Variants in USH2A observed in about 807,000 individuals in gnomAD.
USH2A encodes Usher syndrome 2A (autosomal recessive, mild).
Under a neutral mutation model 538.9 loss-of-function variants are expected in USH2A, and 443 were observed. The observed-to-expected ratio is 0.82, with a 90% CI of 0.76 to 0.89. The LOEUF (loss-of-function observed/expected upper bound fraction) is 0.89. Among genes scored for constraint, USH2A ranks in the 40% least tolerant of loss-of-function variants. USH2A has a pLI of 0.00. For missense variants in USH2A, 6,633 were observed against 6,324.8 expected (o/e 1.05, Z -1.65); for synonymous variants, 2,413 against 2,273.5 (o/e 1.06, Z -1.75).
intron 22 of USH2A, among the ~76,000 whole-genome samples, chr1:216,096,505 C>T (rs1047017613): frequency 1.3e-5 from 2 of 152,160 alleles, no homozygotes; most frequent in Non-Finnish European, 1.5e-5. Context: ...AAATTGACAA[C>T]TCAGAAAACA....
At chr1:216,265,635 GATAT>G (rs55801516) in intron 11 of USH2A, among the ~76,000 whole-genome samples, 20 of 149,280 alleles carry the variant, frequency 1.3e-4, no homozygotes, top group East Asian at 7.9e-4. Flanking sequence ...AAGAAAATTT[GATAT>G]ATATATATAT....
intron 37 of USH2A, among the ~76,000 whole-genome samples, chr1:215,959,663 C>T (rs1293009885): frequency 1.3e-5 from 2 of 151,942 alleles, no homozygotes; most frequent in African/African-American, 2.4e-5. Flanking sequence ...TCTTTTTTCC[C>T]CCACAGTAAT....
chr1:215,831,594 C>A (rs1232502621), intron 47 of USH2A, among the ~76,000 whole-genome samples: 3 of 151,878 alleles, frequency 2.0e-5, no homozygotes, highest in Non-Finnish European at 4.4e-5. Flanking sequence ...TTAAACAATA[C>A]CCTTGTAAAT....
chr1:216,298,779 G>A (rs2037155228), intron 9 of USH2A, among the ~76,000 whole-genome samples: 2 of 152,184 alleles, frequency 1.3e-5, no homozygotes, highest in East Asian at 1.9e-4. Flanking sequence ...ACTCCTTTTA[G>A]GAGGAGCAAC....
At chr1:215,636,580 G>A (rs998691495) in intron 69 of USH2A, among the ~76,000 whole-genome samples, 3 of 152,152 alleles carry the variant, frequency 2.0e-5, no homozygotes, top group Admixed American at 2.0e-4. Flanking sequence ...AAAACAACTT[G>A]TTGGCTGTAA....
chr1:216,130,612 C>CTA (rs578222726), intron 21 of USH2A, among the ~76,000 whole-genome samples: 39 of 143,458 alleles, frequency 2.7e-4, no homozygotes, highest in African/African-American at 8.4e-4. Context: ...TGTATATATA[C>CTA]TATATATATA....
chr1:216,089,048 G>C lies in USH2A; in HGVS notation c.4850C>G (p.Ala1617Gly). Residue 1617 changes from alanine (A) to glycine (G), a missense_variant, in exon 23 of 72, where the codon GCT becomes GGT. By Grantham distance (60) the Ala-to-Gly change is moderately conservative. Coordinates refer to ENST00000307340, the MANE Select transcript of USH2A (RefSeq NM_206933.4). The stretch of plus-strand genomic sequence containing the variant: ...CCCATCCAGAGTGATTTGGCCAAAA[G>C]CCTGATGCCTAATAGCAATTATTTC... ...WHEIIAIRHQ[A>G]FGQITLDGIY... The C allele has an allele frequency of 3.1e-6, 5 of 1,613,462 alleles. No homozygotes were observed. The highest frequency in any genetic ancestry group is 4.2e-6 in the Non-Finnish European group (5 of 1,179,594).
intron 11 of USH2A, among the ~76,000 whole-genome samples, chr1:216,285,715 G>A (rs2102601307): frequency 1.3e-5 from 2 of 152,364 alleles, no homozygotes. Context: ...AAGGAGGGCT[G>A]TACCCAGCAA....
At chr1:216,019,082 C>A (rs149043371) in intron 32 of USH2A, among the ~76,000 whole-genome samples, 4 of 152,218 alleles carry the variant, frequency 2.6e-5, no homozygotes, top group Non-Finnish European at 5.9e-5. Flanking sequence ...CAATTTAAAT[C>A]TTTATGCAGT....
At chr1:216,188,844 C>T (rs1306918683) in intron 20 of USH2A, among the ~76,000 whole-genome samples, 1 of 151,854 alleles carries the variant, frequency 6.6e-6, no homozygotes, top group Non-Finnish European at 1.5e-5. Context: ...CTTGGGATCC[C>T]TATGTCCCCT....
intron 64 of USH2A, among the ~76,000 whole-genome samples, chr1:215,657,755 T>C (rs1657306947): frequency 6.6e-6 from 1 of 152,160 alleles, no homozygotes; most frequent in East Asian, 1.9e-4. Flanking sequence ...GACGTGAAGC[T>C]ACTGGAAAAA....
At chr1:215,762,279 A>G (rs1230874909) in intron 56 of USH2A, among the ~76,000 whole-genome samples, 1 of 152,212 alleles carries the variant, frequency 6.6e-6, no homozygotes, top group Non-Finnish European at 1.5e-5. Context: ...ATCTTAATTC[A>G]TAATCTGCTT....
intron 9 of USH2A, among the ~76,000 whole-genome samples, chr1:216,315,612 T>G (rs1330101207): frequency 2.0e-5 from 3 of 152,146 alleles, no homozygotes; most frequent in Non-Finnish European, 4.4e-5. Flanking sequence ...AAATCACACT[T>G]TTGATGTAAA....
chr1:216,336,558 A>G (rs893252975), intron 4 of USH2A, among the ~76,000 whole-genome samples: 16 of 151,528 alleles, frequency 1.1e-4, no homozygotes, highest in Non-Finnish European at 1.8e-4. Flanking sequence ...TCAATACATG[A>G]AAATCAATTG....
intron 4 of USH2A, among the ~76,000 whole-genome samples, chr1:216,359,864 G>C (rs1247770655): frequency 6.6e-6 from 1 of 151,976 alleles, no homozygotes; most frequent in Non-Finnish European, 1.5e-5. Flanking sequence ...ACAATACTAA[G>C]TATAATTGCA....
chr1:215,681,975 T>C (rs1658245404), intron 61 of USH2A, among the ~76,000 whole-genome samples: 3 of 152,184 alleles, frequency 2.0e-5, no homozygotes, highest in Non-Finnish European at 4.4e-5. Flanking sequence ...AAAAGTTAGA[T>C]CATAAATATT....
chr1:215,798,819 CT>C (rs1662213330), intron 50 of USH2A, 87 bp downstream of exon 50: 1 of 1,457,708 alleles, frequency 6.9e-7, no homozygotes, highest in African/African-American at 1.4e-5. Context: ...GCTTTAATTA[CT>C]TATTTGTTTT....
At chr1:216,293,743 C>T (rs757078709) in intron 9 of USH2A, among the ~76,000 whole-genome samples, 6 of 152,166 alleles carry the variant, frequency 3.9e-5, no homozygotes, top group Non-Finnish European at 5.9e-5. Flanking sequence ...CACAACCACA[C>T]GCTTCTCTTC....
chr1:216,061,740 GT>G (rs1181104707), intron 30 of USH2A, among the ~76,000 whole-genome samples: 1 of 152,146 alleles, frequency 6.6e-6, no homozygotes, highest in Admixed American at 6.6e-5. Context: ...AACGACCAAA[GT>G]TTTATAAATA....
Sources: allele counts gnomAD v4.1 joint callset (sites outside exome capture counted in the v4.1 genomes callset), GRCh38; gene constraint gnomAD v4.1.1; transcripts MANE v1.5; gene names NCBI Gene and HGNC (gene_info 2026-07-23, HGNC 2026-07-21).